Variants in CSMD2 observed in about 807,000 individuals in gnomAD.
CSMD2 encodes the protein CUB and sushi domain-containing protein 2.
Under a neutral mutation model 398.5 loss-of-function variants are expected in CSMD2, and 130 were observed. The ratio of observed to expected loss-of-function variants is 0.33; its 90% confidence interval spans 0.28 to 0.38. CSMD2 has a LOEUF of 0.38. CSMD2 is among the 10% of genes least tolerant of loss of function. The pLI is 1.00. For missense variants in CSMD2, 3,829 were observed against 4,764.9 expected (o/e 0.80, Z 5.78); for synonymous variants, 1,828 against 1,908.5 (o/e 0.96, Z 1.10).
At chr1:33,606,130 A>C in intron 41 of CSMD2, 2 of 1,323,588 alleles carry the variant, frequency 1.5e-6, no homozygotes, top group Non-Finnish European at 1.0e-6. Flanking sequence ...GCCTCCATGG[A>C]AGCAGCTGAG....
intron 39 of CSMD2, among the ~76,000 whole-genome samples, chr1:33,616,452 G>A (rs12091592): frequency 0.046 from 7,024 of 152,230 alleles, 439 homozygotes; most frequent in African/African-American, 0.13. Flanking sequence ...TGGCCAGGCT[G>A]GTCTCGAACT....
At chr1:33,843,073 C>T (rs1466738054) in intron 6 of CSMD2, among the ~76,000 whole-genome samples, 2 of 152,170 alleles carry the variant, frequency 1.3e-5, no homozygotes, top group African/African-American at 4.8e-5. Flanking sequence ...CTTAATCAGG[C>T]CTCAATTACA....
At chr1:33,555,320 A>G (rs1351092143) in intron 55 of CSMD2, among the ~76,000 whole-genome samples, 6 of 152,194 alleles carry the variant, frequency 3.9e-5, no homozygotes, top group Admixed American at 3.9e-4. Flanking sequence ...ACAGATGAGA[A>G]GCTGCTTCTT....
At chr1:34,037,209 C>T (rs1052256599) in intron 2 of CSMD2, among the ~76,000 whole-genome samples, 84 of 152,226 alleles carry the variant, frequency 5.5e-4, no homozygotes, top group Admixed American at 2.0e-4. Flanking sequence ...CAGACTTACA[C>T]TCAGTCTCCC....
chr1:33,959,267 A>G (rs1645269559), intron 3 of CSMD2, among the ~76,000 whole-genome samples: 1 of 152,204 alleles, frequency 6.6e-6, no homozygotes, highest in South Asian at 2.1e-4. Context: ...TGCCAATGTG[A>G]GAAAACACAA....
Position 33,614,604 on chromosome 1 carries a change from T to C in CSMD2, c.6033A>G (p.Thr2011=). 6.2e-7 allele frequency: 1 copy of C among 1,606,564 alleles called. No individual in the cohort carries two copies. Among genetic ancestry groups the C allele is most frequent in the South Asian group, 1.1e-5 (1 of 90,864 alleles). The change falls in exon 40 of 71, where the codon ACA becomes ACG. Residue 2011 remains threonine, a synonymous_variant. Transcript: ENST00000373381. ...GGATCACCCCCTCCATCTCCTCCAC[T>C]GTTCCCCCACACTGTGCTGTGACAA... The part of the protein sequence containing the change: ...PPLCIAQCGG[T]VEEMEGVILS...
chr1:33,674,440 G>A (rs1284257007), intron 25 of CSMD2, among the ~76,000 whole-genome samples: 1 of 152,076 alleles, frequency 6.6e-6, no homozygotes, highest in Non-Finnish European at 1.5e-5. Context: ...CAATACAGGA[G>A]CACCCAGATT....
intron 14 of CSMD2, among the ~76,000 whole-genome samples, chr1:33,741,400 C>T (rs948854752): frequency 5.3e-5 from 8 of 152,244 alleles, no homozygotes; most frequent in South Asian, 2.1e-4. Flanking sequence ...TGACTGCATC[C>T]GATCGCCTCA....
intron 3 of CSMD2, among the ~76,000 whole-genome samples, chr1:33,981,309 T>C (rs535574): frequency 0.59 from 89,687 of 152,066 alleles, 28,196 homozygotes; most frequent in East Asian, 0.84. Flanking sequence ...TCATAAGCAC[T>C]TTCTCAGCTG....
In CSMD2 at chr1:33,521,459, T is replaced by C; in HGVS notation, c.10597+4A>G. ...CACACTTCCGGGGGACAAGCACTAG[T>C]TACCCAGTCTTTGAAAGCCGAACTG... On this transcript the variant is annotated splice_donor_region_variant and intron_variant, in intron 68 of 70. Transcript: ENST00000373381. The C allele has an allele frequency of 6.4e-7, 1 of 1,562,748 alleles. No homozygotes were observed. Among genetic ancestry groups the C allele is most frequent in the Non-Finnish European group, 8.8e-7 (1 of 1,133,602 alleles).
chr1:33,924,153 A>C (rs895911408), intron 4 of CSMD2, among the ~76,000 whole-genome samples: 2 of 152,084 alleles, frequency 1.3e-5, no homozygotes, highest in African/African-American at 4.8e-5. Context: ...TTTACTTAGC[A>C]TAATGACCTC....
intron 6 of CSMD2, among the ~76,000 whole-genome samples, chr1:33,845,090 TG>T (rs766859745): frequency 2.6e-4 from 39 of 151,474 alleles, no homozygotes; most frequent in Middle Eastern, 3.4e-3. Context: ...GTTGTGATTT[TG>T]TTTTTTACAG....
intron 2 of CSMD2, among the ~76,000 whole-genome samples, chr1:34,082,091 CCAT>C (rs1657238091): frequency 6.6e-6 from 1 of 150,884 alleles, no homozygotes; most frequent in Admixed American, 6.6e-5. Context: ...GCCTGGCCGC[CCAT>C]CATCTGGGAT....
chr1:33,674,492 C>T (rs1170653196), intron 25 of CSMD2, among the ~76,000 whole-genome samples: 1 of 152,172 alleles, frequency 6.6e-6, no homozygotes, highest in Non-Finnish European at 1.5e-5. Flanking sequence ...GACTTAGACT[C>T]TCACACAATA....
chr1:33,695,402 G>C (rs932297532), intron 24 of CSMD2, among the ~76,000 whole-genome samples: 1 of 152,172 alleles, frequency 6.6e-6, no homozygotes, highest in Admixed American at 6.5e-5. Context: ...GTGGCAGTAT[G>C]ATGGGGTACA....
chr1:33,971,494 C>A (rs1390053693), intron 3 of CSMD2, among the ~76,000 whole-genome samples: 1 of 152,250 alleles, frequency 6.6e-6, no homozygotes, highest in Non-Finnish European at 1.5e-5. Flanking sequence ...GTTGCTTCAG[C>A]TTTTGTGCAA....
chr1:33,584,438 G>T (rs1476745475), intron 46 of CSMD2, among the ~76,000 whole-genome samples: 1 of 152,122 alleles, frequency 6.6e-6, no homozygotes, highest in Non-Finnish European at 1.5e-5. Flanking sequence ...GTGGGAGGCC[G>T]GGGCGGGTGA....
intron 6 of CSMD2, among the ~76,000 whole-genome samples, chr1:33,842,261 C>T (rs1660931740): frequency 6.6e-6 from 1 of 152,226 alleles, no homozygotes; most frequent in Admixed American, 6.5e-5. Context: ...TCTGTCCCTT[C>T]CTTTTCATCT....
intron 66 of CSMD2, 28 bp from the exon 67 acceptor site, chr1:33,523,447 A>C: frequency 2.0e-6 from 2 of 1,019,212 alleles, no homozygotes; most frequent in South Asian, 1.4e-5. Context: ...GGTGTTACAC[A>C]TGAAAGATAT....
Sources: gnomAD v4.1 joint callset for allele counts (sites outside exome capture counted in the v4.1 genomes callset) on GRCh38, gnomAD v4.1.1 for gene constraint, MANE v1.5 for transcripts, NCBI Gene and HGNC (gene_info 2026-07-23, HGNC 2026-07-21) for gene names.